The following ZC3H6 variants were observed in gnomAD, a reference collection of about 807,000 sequenced individuals.
ZC3H6 encodes the protein zinc finger CCCH-type containing 6.
Under a neutral mutation model 107.7 loss-of-function variants are expected in ZC3H6, and 40 were observed. The observed-to-expected ratio is 0.37, with a 90% CI of 0.29 to 0.48. The LOEUF is 0.48. ZC3H6 is among the 20% of genes least tolerant of loss of function. The pLI is 0.98. For synonymous variants in ZC3H6, 493 were observed against 487.9 expected, an observed-to-expected ratio of 1.01 and a Z score of -0.14; for missense variants, 1,267 against 1,410.4, an observed-to-expected ratio of 0.90 and a Z score of 1.63.
At chr2:112,287,489 A>T (rs556040303) in intron 1 of ZC3H6, among the ~76,000 whole-genome samples, 2 of 152,362 alleles carry the variant, frequency 1.3e-5, no homozygotes, top group South Asian at 2.1e-4. Context: ...GGATATATTT[A>T]AAAATTCTTA....
In ZC3H6 at chr2:112,324,285, C is replaced by T; in HGVS notation, c.1474C>T (p.Pro492Ser). 1 of 1,614,010 alleles carries T rather than the reference C, an allele frequency of 6.2e-7. No individual in the cohort carries two copies. Among genetic ancestry groups the T allele is most frequent in the Non-Finnish European group, 8.5e-7 (1 of 1,179,874 alleles). ...TAACATGTCTCAGGGACACAGTAGT[C>T]CTGTGATGCACCCAGGCTCCCCTGG... ...GPNMSQGHSS[P>S]VMHPGSPGHH... Residue 492 changes from proline to serine, a missense_variant, in exon 10 of 12, where the codon CCT (proline) becomes TCT (serine). This residue lies in a region of ZC3H6 where 925 missense variants were observed against 1,025.7 expected (regional missense o/e 0.90). Coordinates refer to ENST00000409871, the MANE Select transcript of ZC3H6 (RefSeq NM_198581.3).
chr2:112,339,621 G>T lies in ZC3H6; in HGVS notation c.*7133G>T, dbSNP rs1573971283. On this transcript the variant is annotated 3_prime_UTR_variant, in exon 12 of 12. Transcript: ENST00000409871. Reference sequence around the variant, plus strand: ...ACGGGGGCAGGCGGGAGTTGTCCAGGTTTAAGATTGTTTGTTTTCCATCAG... The same window carrying T: ...ACGGGGGCAGGCGGGAGTTGTCCAGTTTTAAGATTGTTTGTTTTCCATCAG... 6.6e-6 allele frequency: 1 copy of T among 152,014 alleles called. No homozygotes were observed. Among genetic ancestry groups the T allele is most frequent in the Non-Finnish European group, 1.5e-5 (1 of 68,028 alleles). 9.4% of individuals were successfully genotyped at this position (152,014 alleles called of 1,614,324 possible).
At position 112,333,745 on chromosome 2, in the gene ZC3H6, T is replaced by C. The variant is rs1205505269; in HGVS notation, c.*1257T>C. 1 of 152,092 alleles carries C rather than the reference T, an allele frequency of 6.6e-6. No individual in the cohort carries two copies. Among genetic ancestry groups the C allele is most frequent in the Non-Finnish European group, 1.5e-5 (1 of 67,968 alleles). 9.4% of individuals were successfully genotyped at this position (152,092 alleles called of 1,614,324 possible). On this transcript the variant is annotated 3_prime_UTR_variant, in exon 12 of 12. Transcript: ENST00000409871. Reference sequence around the variant, plus strand: ...TTGAACTGCAGGTGTAGGACAGTGTTTGCTGGTAACAACTCCAATGTGTAT... The same window carrying C: ...TTGAACTGCAGGTGTAGGACAGTGTCTGCTGGTAACAACTCCAATGTGTAT...
intron 3 of ZC3H6, 105 bp downstream of exon 3, chr2:112,303,456 T>G: frequency 1.3e-6 from 1 of 784,474 alleles, no homozygotes; most frequent in South Asian, 2.2e-5. Flanking sequence ...ATTGACAGTG[T>G]TGTTCAATCA....
intron 1 of ZC3H6, among the ~76,000 whole-genome samples, chr2:112,289,872 C>G (rs1188970900): frequency 6.6e-6 from 1 of 152,156 alleles, no homozygotes; most frequent in African/African-American, 2.4e-5. Flanking sequence ...TCCAGAGTGG[C>G]TGGAGCCACA....
At chr2:112,303,829 CT>C (rs1253774743) in intron 3 of ZC3H6, among the ~76,000 whole-genome samples, 5 of 152,096 alleles carry the variant, frequency 3.3e-5, no homozygotes, top group African/African-American at 1.2e-4. Context: ...AAGCTTCTAC[CT>C]TTTGCTATTG....
chr2:112,308,368 C>T (rs1301946076), intron 3 of ZC3H6, among the ~76,000 whole-genome samples: 3 of 151,328 alleles, frequency 2.0e-5, no homozygotes, highest in Non-Finnish European at 4.4e-5. Flanking sequence ...TACGTAGTCT[C>T]ATGTTGGTAT....
Position 112,325,125 on chromosome 2 carries a change from C to T in ZC3H6, c.2014C>T (p.Leu672Phe), listed in dbSNP as rs1356428991. The T allele has an allele frequency of 6.2e-7, 1 of 1,614,040 alleles. No homozygotes were observed. Among genetic ancestry groups the T allele is most frequent in the Admixed American group, 1.7e-5 (1 of 60,034 alleles). ...PAVQRALFVRLTQRYQEDEEQ... is the reference protein window; with the variant it reads ...PAVQRALFVRFTQRYQEDEEQ... ...AGTGCAAAGAGCTCTTTTTGTAAGA[C>T]TTACTCAGAGATACCAAGAAGATGA... Residue 672 changes from leucine to phenylalanine, a missense_variant, in exon 11 of 12, where the codon CTT becomes TTT. This residue lies in a region of ZC3H6 where 925 missense variants were observed against 1,025.7 expected (regional missense o/e 0.90). Transcript: ENST00000409871.
In ZC3H6 at chr2:112,321,144, T is replaced by A. The variant is rs1676793646; in HGVS notation, c.977-612T>A. On this transcript the variant is annotated intron_variant, in intron 7 of 11. Transcript: ENST00000409871. ...AGAGTGGTATATTTTTCACTATACTTCTAGATTTAATATTTTCTTTATACG... is the reference window on the plus strand; with the variant it reads ...AGAGTGGTATATTTTTCACTATACTACTAGATTTAATATTTTCTTTATACG... 3.3e-5 allele frequency among the ~76,000 whole-genome samples: 5 copies of A among 152,146 alleles called. No individual in the cohort carries two copies. In the South Asian group the frequency reaches 1.0e-3, roughly 32 times the overall value.
rs1677126595 is a variant in ZC3H6 at position 112,335,723 on chromosome 2, T to C, written c.*3235T>C. 2 of 152,324 alleles carry C rather than the reference T, an allele frequency of 1.3e-5. No individual in the cohort carries two copies. Among genetic ancestry groups the C allele is most frequent in the South Asian group, 4.1e-4 (2 of 4,824 alleles). 9.4% of individuals were successfully genotyped at this position (152,324 alleles called of 1,614,324 possible). A position where few individuals can be genotyped will look rare whatever the true frequency, so the allele number is the denominator to read the frequency against. On this transcript the variant is annotated 3_prime_UTR_variant, in exon 12 of 12. Transcript: ENST00000409871. ...TATGGTTTGTATGGTTTAGCAATTT[T>C]ACGAAGCTTCAGATGACATGCACTG...
intron 11 of ZC3H6, among the ~76,000 whole-genome samples, chr2:112,327,154 C>G (rs1473534391): frequency 1.3e-5 from 2 of 152,126 alleles, no homozygotes; most frequent in Admixed American, 6.5e-5. Context: ...TATGAAGGTT[C>G]TCTTTCCTCC....
At chr2:112,313,939 G>C (rs895333352) in intron 5 of ZC3H6, among the ~76,000 whole-genome samples, 1 of 152,002 alleles carries the variant, frequency 6.6e-6, no homozygotes, top group Non-Finnish European at 1.5e-5. Context: ...AATTTTAAAG[G>C]CTTCTTCATT....
At chr2:112,311,970 G>A (rs372937889) in intron 5 of ZC3H6, 33 bp downstream of exon 5, 3 of 1,523,964 alleles carry the variant, frequency 2.0e-6, no homozygotes, top group African/African-American at 2.8e-5. Flanking sequence ...GAGGGGAGGA[G>A]CTTTTTCATC....
intron 1 of ZC3H6, among the ~76,000 whole-genome samples, chr2:112,290,788 A>G (rs1192605019): frequency 6.6e-6 from 1 of 152,208 alleles, no homozygotes; most frequent in Non-Finnish European, 1.5e-5. Flanking sequence ...GCACAGTAGT[A>G]CTTTGTTCCT....
chr2:112,332,134 G>C lies in ZC3H6; in HGVS notation c.3216G>C (p.Lys1072Asn). The C allele has an allele frequency of 6.2e-7, 1 of 1,613,750 alleles. No individual in the cohort carries two copies. The highest frequency in any genetic ancestry group is 8.5e-7 in the Non-Finnish European group (1 of 1,179,764). The change falls in exon 12 of 12, where the codon AAG becomes AAC. Residue 1072 changes from lysine to asparagine, a missense_variant. Around this residue, in one of 3 missense-constraint regions of ZC3H6, gnomAD observed 925 missense variants for 1,025.7 expected, o/e 0.90. Coordinates refer to ENST00000409871, the MANE Select transcript of ZC3H6 (RefSeq NM_198581.3). ...LATASSGENS[K>N]NQKKSGGLKS... ...CAGCTTCTTCAGGAGAAAACTCAAA[G>C]AACCAGAAAAAAAGTGGTGGCTTAA...
At chr2:112,325,406 A>T (rs1170712007) in intron 11 of ZC3H6, among the ~76,000 whole-genome samples, 1 of 152,128 alleles carries the variant, frequency 6.6e-6, no homozygotes, top group East Asian at 1.9e-4. Context: ...AGGCAGGAGA[A>T]TCGCTTCAAC....
intron 11 of ZC3H6, among the ~76,000 whole-genome samples, chr2:112,327,597 T>C (rs975704957): frequency 2.6e-5 from 4 of 152,198 alleles, no homozygotes; most frequent in Admixed American, 6.6e-5. Flanking sequence ...ACCAGTGACC[T>C]GGAGAGTTTA....
intron 11 of ZC3H6, among the ~76,000 whole-genome samples, chr2:112,330,257 G>A (rs1202954793): frequency 6.6e-6 from 1 of 152,056 alleles, no homozygotes; most frequent in Non-Finnish European, 1.5e-5. Flanking sequence ...GTTTCACCGA[G>A]TTAGCCAGGA....
chr2:112,279,693 G>A (rs1263108473), intron 1 of ZC3H6, among the ~76,000 whole-genome samples: 1 of 152,082 alleles, frequency 6.6e-6, no homozygotes, highest in East Asian at 1.9e-4. Context: ...CTGAAAGGAT[G>A]AGGATGGAAA....
Sources: gnomAD v4.1 joint callset for allele counts (sites outside exome capture counted in the v4.1 genomes callset) on GRCh38, gnomAD v4.1.1 for gene constraint, gnomAD v4.1.1 regional missense constraint, MANE v1.5 for transcripts, NCBI Gene and HGNC (gene_info 2026-07-23, HGNC 2026-07-21) for gene names.